ATP8A2: variants seen among roughly 807,000 people sequenced by gnomAD.
The protein encoded by ATP8A2 is ATPase phospholipid transporting 8A2, also known as phospholipid-transporting ATPase IB.
A neutral mutation model predicts 165.6 loss-of-function variants in ATP8A2; 100 were observed. That is an observed-to-expected ratio of 0.60 (90% CI 0.51 to 0.71). ATP8A2 has a LOEUF of 0.71. Ranked by LOEUF, ATP8A2 falls within the 30% of genes least tolerant of loss-of-function variation. The pLI, the probability that ATP8A2 is intolerant of heterozygous loss-of-function variation, is 0.00. For missense variants in ATP8A2, 1,227 were observed against 1,479.5 expected (o/e 0.83, Z 2.80); for synonymous variants, 543 against 548.8 (o/e 0.99, Z 0.15).
At chr13:25,898,987 T>G (rs1953653194) in intron 33 of ATP8A2, among the ~76,000 whole-genome samples, 1 of 152,176 alleles carries the variant, frequency 6.6e-6, no homozygotes, top group Non-Finnish European at 1.5e-5. Flanking sequence ...CCGGGTGAGG[T>G]TATGCCTTGC....
At chr13:25,513,654 C>T (rs946940396) in intron 2 of ATP8A2, among the ~76,000 whole-genome samples, 5 of 152,076 alleles carry the variant, frequency 3.3e-5, no homozygotes, top group Non-Finnish European at 7.4e-5. Context: ...CACTGCACTC[C>T]AGCCTGGGCA....
chr13:25,540,175 A>C (rs2038425304), intron 7 of ATP8A2, 144 bp from the exon 8 acceptor site: 1 of 645,566 alleles, frequency 1.5e-6, no homozygotes, highest in African/African-American at 1.8e-5. Context: ...TTTTTCATCC[A>C]TTACTCCTAC....
chr13:25,407,536 A>T (rs1471771809), intron 1 of ATP8A2, among the ~76,000 whole-genome samples: 1 of 152,230 alleles, frequency 6.6e-6, no homozygotes, highest in African/African-American at 2.4e-5. Context: ...GTAAGAAAAG[A>T]TGCTATCTTC....
chr13:25,844,325 T>C (rs2138679686), intron 30 of ATP8A2, among the ~76,000 whole-genome samples: 1 of 152,058 alleles, frequency 6.6e-6, no homozygotes, highest in East Asian at 1.9e-4. Flanking sequence ...CCACCTCCCA[T>C]GTTCAAGTGA....
intron 15 of ATP8A2, among the ~76,000 whole-genome samples, chr13:25,561,259 T>C (rs2039145019): frequency 6.6e-6 from 1 of 152,158 alleles, no homozygotes; most frequent in African/African-American, 2.4e-5. Context: ...TCTGTGATAA[T>C]TTTCCTCCTC....
At chr13:25,588,378 A>G (rs1178343421) in intron 23 of ATP8A2, among the ~76,000 whole-genome samples, 1 of 152,106 alleles carries the variant, frequency 6.6e-6, no homozygotes, top group African/African-American at 2.4e-5. Context: ...TGTTAGGAGG[A>G]TTTCTCAGGG....
intron 24 of ATP8A2, among the ~76,000 whole-genome samples, chr13:25,614,357 A>G (rs1266627678): frequency 6.6e-6 from 1 of 151,946 alleles, no homozygotes; most frequent in Non-Finnish European, 1.5e-5. Flanking sequence ...CTTCATTTTT[A>G]GAGGTTGTGA....
intron 24 of ATP8A2, among the ~76,000 whole-genome samples, chr13:25,623,853 A>G (rs888891714): frequency 2.0e-5 from 3 of 152,236 alleles, no homozygotes; most frequent in Admixed American, 6.5e-5. Context: ...AAATGCATAA[A>G]TTATGCATAG....
intron 2 of ATP8A2, among the ~76,000 whole-genome samples, chr13:25,504,718 G>A (rs2036973970): frequency 7.4e-6 from 1 of 135,406 alleles, no homozygotes; most frequent in African/African-American, 2.8e-5. Flanking sequence ...CCGCAGTCCG[G>A]CCTGGGCGAC....
At chr13:25,727,473 G>A (rs1349434586) in intron 25 of ATP8A2, among the ~76,000 whole-genome samples, 1 of 152,252 alleles carries the variant, frequency 6.6e-6, no homozygotes, top group African/African-American at 2.4e-5. Context: ...AATATCTCAG[G>A]CCTTTGGACA....
intron 11 of ATP8A2, among the ~76,000 whole-genome samples, chr13:25,551,890 C>T (rs1300587411): frequency 6.6e-6 from 1 of 151,916 alleles, no homozygotes; most frequent in African/African-American, 2.4e-5. Context: ...TGTTATATTC[C>T]ATTTATCTGT....
chr13:25,905,684 C>T (rs1229149155), intron 33 of ATP8A2, among the ~76,000 whole-genome samples: 6 of 152,196 alleles, frequency 3.9e-5, no homozygotes, highest in Admixed American at 6.5e-5. Flanking sequence ...TCTCCAGCCT[C>T]GGTGCCTGTC....
chr13:25,885,635 G>A (rs1953125644), intron 33 of ATP8A2, among the ~76,000 whole-genome samples: 3 of 152,160 alleles, frequency 2.0e-5, no homozygotes. Context: ...AGAAATTGCA[G>A]TGTCCTGCTG....
intron 30 of ATP8A2, among the ~76,000 whole-genome samples, chr13:25,855,266 A>G (rs1952126752): frequency 6.6e-6 from 1 of 151,790 alleles, no homozygotes; most frequent in Non-Finnish European, 1.5e-5. Flanking sequence ...AAAAAAAAAA[A>G]AGAGTCACTC....
intron 2 of ATP8A2, among the ~76,000 whole-genome samples, chr13:25,529,561 G>A (rs572142196): frequency 1.2e-4 from 19 of 152,274 alleles, no homozygotes; most frequent in African/African-American, 4.3e-4. Flanking sequence ...CTAGGTGGAA[G>A]CAAAAGTGTG....
Position 26,020,249 on chromosome 13 carries a change from G to T in ATP8A2, c.*264G>T. The T allele has an allele frequency of 2.1e-6, 1 of 477,834 alleles. No homozygotes were observed. Among genetic ancestry groups the T allele is most frequent in the African/African-American group, 2.0e-5 (1 of 51,210 alleles). The allele number at this position is 477,834 out of a possible 1,614,324, so 29.6% of individuals were successfully genotyped here. ...ATGTCGTTATGAAGCATTCAACTGT[G>T]CTCTGTGAGGTGTGAAATTAAAAAC... On this transcript the variant is annotated 3_prime_UTR_variant, in exon 37 of 37. Transcript: ENST00000381655.
intron 28 of ATP8A2, among the ~76,000 whole-genome samples, chr13:25,830,342 G>A (rs146591842): frequency 5.9e-5 from 9 of 152,242 alleles, no homozygotes; most frequent in African/African-American, 1.9e-4. Flanking sequence ...CTAGGGTTGA[G>A]ATTATATTTT....
rs940608645 is a variant in ATP8A2, at chr13:25,372,530, C to G, written c.76+242C>G. Among the ~76,000 whole-genome samples, 12 of 152,138 alleles carry G rather than the reference C, an allele frequency of 7.9e-5. No homozygotes were observed. Among genetic ancestry groups the G allele is most frequent in the Non-Finnish European group, 1.5e-5 (1 of 68,002 alleles). ...AGGTGAGCGGCGGGCGTCAGAGACC[C>G]CCGGCTCGTCCCTGTACAGATGTGT... On this transcript the variant is annotated intron_variant, in intron 1 of 36. Coordinates refer to ENST00000381655, the MANE Select transcript of ATP8A2 (RefSeq NM_016529.6). The surrounding 1 kb of genome is among the most constrained non-coding windows in gnomAD (Gnocchi z 4.8).
At chr13:25,430,303 G>C (rs990350664) in intron 1 of ATP8A2, among the ~76,000 whole-genome samples, 1 of 152,090 alleles carries the variant, frequency 6.6e-6, no homozygotes, top group African/African-American at 2.4e-5. Flanking sequence ...GATGGACATG[G>C]GGGGGCCCGT....
Sources: gnomAD v4.1 joint callset for allele counts (sites outside exome capture counted in the v4.1 genomes callset) on GRCh38, gnomAD v4.1.1 for gene constraint, Gnocchi (gnomAD v3.1) non-coding constraint, MANE v1.5 for transcripts, NCBI Gene and HGNC (gene_info 2026-07-23, HGNC 2026-07-21) for gene names.